The following HLTF variants were observed in gnomAD, a reference collection of about 807,000 sequenced individuals.
HLTF encodes DNA-dependent ATPase/E3 ubiquitin-protein ligase HLTF.
HLTF carries 127 observed loss-of-function variants against 129.4 expected under a neutral mutation model. The ratio of observed to expected loss-of-function variants is 0.98; its 90% CI spans 0.85 to 1.14. The LOEUF (loss-of-function observed/expected upper bound fraction) is 1.14. HLTF is among the 50% of genes most tolerant of loss of function. HLTF has a pLI of 0.00. For synonymous variants in HLTF, 332 were observed against 388.8 expected (o/e 0.85, Z 1.72); for missense variants, 1,139 against 1,187.1 (o/e 0.96, Z 0.60).
rs778457207 is a variant in HLTF at position 149,075,914 on chromosome 3, T to C, written c.362A>G (p.Tyr121Cys). The C allele has an allele frequency of 6.8e-6, 11 of 1,607,696 alleles. No individual in the cohort carries two copies. The highest frequency in any genetic ancestry group is 2.2e-5 in the East Asian group (1 of 44,682). The change falls in exon 3 of 25, where the codon TAT (tyrosine) becomes TGT (cysteine). Residue 121 changes from tyrosine (Y) to cysteine (C), a missense_variant. By Grantham distance (194) the Tyr-to-Cys change is radical. Transcript: ENST00000310053. Reference sequence around the variant, plus strand: ...TTGTGCCAATTTGTTGTCCATGATATAGGCCAAAGCACCTGCAAGCTCTTT... The same window carrying C: ...TTGTGCCAATTTGTTGTCCATGATACAGGCCAAAGCACCTGCAAGCTCTTT... ...LKKELAGALAYIMDNKLAQIE... is the reference protein window; with the variant it reads ...LKKELAGALACIMDNKLAQIE...
chr3:149,071,737 T>C (rs1472110184), intron 5 of HLTF, 80 bp from the exon 6 acceptor site: 1 of 919,418 alleles, frequency 1.1e-6, no homozygotes, highest in African/African-American at 1.7e-5. Context: ...TTTGAAATCA[T>C]TTAATTAACT....
Position 149,050,076 on chromosome 3 carries a change from A to G in HLTF, c.1617+156T>C, listed in dbSNP as rs549909770. ...TAAAATGCAACCCTTTCACGCAAAA[A>G]GTCAAAAAAAAAAACCATTTATTTT... On this transcript the variant is annotated intron_variant, in intron 15 of 24. Transcript: ENST00000310053. 1.1e-3 allele frequency among the ~76,000 whole-genome samples: 163 copies of G among 152,078 alleles called. 1 individual carries two copies. Among genetic ancestry groups the G allele is most frequent in the African/African-American group, 3.8e-3 (158 of 41,508 alleles).
chr3:149,041,882 T>C (rs1716161239), intron 19 of HLTF: 3 of 578,264 alleles, frequency 5.2e-6, no homozygotes, highest in Non-Finnish European at 6.1e-6. Context: ...AGAAGCATCA[T>C]TATAACATGA....
Position 149,084,700 on chromosome 3 carries a change from T to G in HLTF, c.210A>C (p.Leu70=). The G allele has an allele frequency of 1.2e-6, 2 of 1,612,862 alleles. No individual in the cohort carries two copies. Among genetic ancestry groups the G allele is most frequent in the Non-Finnish European group, 1.7e-6 (2 of 1,178,826 alleles). ...TACTCACTACTCCCGTGTAATAGCG[T>G]AGTCCAACCACATGACCTCTCAAAC... ...FGSLRGHVVG[L]RYYTGVVNNN... Residue 70 remains leucine, a synonymous_variant, in exon 2 of 25, where the codon CTA becomes CTC. Coordinates refer to ENST00000310053, the MANE Select transcript of HLTF (RefSeq NM_003071.4).
intron 7 of HLTF, among the ~76,000 whole-genome samples, chr3:149,068,777 G>A (rs1245989183): frequency 3.3e-5 from 5 of 152,064 alleles, no homozygotes; most frequent in East Asian, 1.9e-4. Context: ...TCTCCATAAA[G>A]CATAAAAGAT....
intron 8 of HLTF, among the ~76,000 whole-genome samples, chr3:149,067,918 T>C (rs1224573869): frequency 6.6e-6 from 1 of 152,036 alleles, no homozygotes; most frequent in African/African-American, 2.4e-5. Context: ...CTGAGGCAGG[T>C]AGATGGCTTG....
rs2108049113 is a variant in HLTF at position 149,072,941 on chromosome 3, A to G, written c.627+284T>C. Among the ~76,000 whole-genome samples the G allele has an allele frequency of 2.0e-5, 3 of 152,346 alleles. No individual in the cohort carries two copies. The Middle Eastern group carries it at 0.01, about 518-fold the overall frequency. On this transcript the variant is annotated intron_variant, in intron 5 of 24. Transcript: ENST00000310053. ...TTTTTCTTAAAATTACTACTTGAAC[A>G]TTTAAAACATTTCAGATACAAAAAT... is the stretch of plus-strand genomic sequence containing the variant.
At chr3:149,049,745 C>A (rs542261290) in intron 15 of HLTF, among the ~76,000 whole-genome samples, 2 of 152,190 alleles carry the variant, frequency 1.3e-5, no homozygotes, top group Non-Finnish European at 2.9e-5. Context: ...GTAATCCCAG[C>A]ACTTTGGGAG....
At position 149,030,754 on chromosome 3, in the gene HLTF, C is replaced by T. The variant is rs1714946370; in HGVS notation, c.*1466G>A. On this transcript the variant is annotated 3_prime_UTR_variant, in exon 25 of 25. Transcript: ENST00000310053. ...TGGTTTTGATGAAAATCAGCCCTTT[C>T]CTTACCTGCTACTGCCTCAAAAAGG... 1 of 152,170 alleles carries T rather than the reference C, an allele frequency of 6.6e-6. No individual in the cohort carries two copies. The highest frequency in any genetic ancestry group is 6.5e-5 in the Admixed American group (1 of 15,272). The allele number at this position is 152,170 out of a possible 1,614,324, so 9.4% of individuals were successfully genotyped here.
chr3:149,065,572 C>G (rs936992324), intron 8 of HLTF, among the ~76,000 whole-genome samples: 3 of 152,160 alleles, frequency 2.0e-5, no homozygotes, highest in Non-Finnish European at 2.9e-5. Flanking sequence ...GGCGCAGTGG[C>G]TCATGCCAGC....
chr3:149,084,566 T>G lies in HLTF; in HGVS notation c.228+116A>C, dbSNP rs1185640358. 6.7e-6 allele frequency: 5 copies of G among 750,278 alleles called. No individual in the cohort carries two copies. In the African/African-American group the frequency reaches 8.9e-5, roughly 13 times the overall value. The allele number at this position is 750,278 out of a possible 1,614,324, so 46.5% of individuals were successfully genotyped here. ...TTTGTTATTTTTTGCGTACAAATAT[T>G]TAACTAACTTAAAGTAAAATAAAGA... On this transcript the variant is annotated intron_variant, in intron 2 of 24. Transcript: ENST00000310053.
chr3:149,061,502 T>G (rs952973156), intron 10 of HLTF, among the ~76,000 whole-genome samples: 1 of 152,022 alleles, frequency 6.6e-6, no homozygotes, highest in African/African-American at 2.4e-5. Flanking sequence ...GGTTTAATAT[T>G]TGGTAGTTCA....
intron 19 of HLTF, 59 bp from the exon 20 acceptor site, chr3:149,041,727 C>T (rs2107967371): frequency 8.0e-7 from 1 of 1,242,460 alleles, no homozygotes; most frequent in Non-Finnish European, 1.2e-6. Context: ...ACAAGTTAAT[C>T]TATCTTATAA....
chr3:149,049,037 G>T lies in HLTF; in HGVS notation c.1618-36C>A, dbSNP rs746328993. ...TGTTTTATATGAATTAAAAAACACA[G>T]GAAAGTAAAATAGTACTTAATATGA... is the stretch of plus-strand genomic sequence containing the variant. On this transcript the variant is annotated intron_variant, in intron 15 of 24. Transcript: ENST00000310053. 2.1e-5 allele frequency: 30 copies of T among 1,434,680 alleles called. 1 individual carries two copies. In the South Asian group the frequency reaches 2.5e-4, roughly 12 times the overall value. 88.9% of individuals were successfully genotyped at this position (1,434,680 alleles called of 1,614,324 possible).
At chr3:149,076,573 A>G (rs979196357) in intron 2 of HLTF, among the ~76,000 whole-genome samples, 14 of 152,214 alleles carry the variant, frequency 9.2e-5, no homozygotes, top group African/African-American at 3.1e-4. Context: ...CTGAGCCTCA[A>G]TTCTCCAGAA....
chr3:149,072,241 C>T (rs1718940026), intron 5 of HLTF, among the ~76,000 whole-genome samples: 1 of 152,136 alleles, frequency 6.6e-6, no homozygotes, highest in South Asian at 2.1e-4. Context: ...AGTTTTATCA[C>T]AAATAAGCTT....
intron 3 of HLTF, among the ~76,000 whole-genome samples, chr3:149,074,762 T>C (rs1326869974): frequency 6.6e-6 from 1 of 152,048 alleles, no homozygotes; most frequent in Admixed American, 6.6e-5. Context: ...AAAAACCTGA[T>C]AAACTGAAAA....
rs1490674521 is a variant in HLTF, at chr3:149,030,596, G to A, written c.*1624C>T. On this transcript the variant is annotated 3_prime_UTR_variant, in exon 25 of 25. Coordinates refer to ENST00000310053, the MANE Select transcript of HLTF (RefSeq NM_003071.4). ...TAATCTCACTGAAGTATTGCTATAT[G>A]GAGAACCCATACTCTGATCAACTTG... 3 of 152,164 alleles carry A rather than the reference G, an allele frequency of 2.0e-5. No homozygotes were observed. Among genetic ancestry groups the A allele is most frequent in the African/African-American group, 7.2e-5 (3 of 41,442 alleles). 9.4% of individuals were successfully genotyped at this position (152,164 alleles called of 1,614,324 possible).
At chr3:149,032,599 C>A (rs1715193442) in intron 24 of HLTF, among the ~76,000 whole-genome samples, 1 of 151,708 alleles carries the variant, frequency 6.6e-6, no homozygotes, top group Non-Finnish European at 1.5e-5. Context: ...ACAAGATAAG[C>A]AAAGCAATAA....
Sources: allele counts gnomAD v4.1 joint callset (sites outside exome capture counted in the v4.1 genomes callset), GRCh38; gene constraint gnomAD v4.1.1; transcripts MANE v1.5; gene names NCBI Gene and HGNC (gene_info 2026-07-23, HGNC 2026-07-21).